Variants in NTF3 observed in about 807,000 individuals in gnomAD.
NTF3 encodes the protein neurotrophin 3, also known as neurotrophin-3.
Under a neutral mutation model 26.3 loss-of-function variants are expected in NTF3, and 8 were observed. The ratio of observed to expected loss-of-function variants is 0.30; its 90% CI spans 0.18 to 0.55. NTF3 has a LOEUF of 0.55. Among genes scored for constraint, NTF3 ranks in the 20% least tolerant of loss-of-function variants. The pLI, the probability that NTF3 is intolerant of heterozygous loss-of-function variation, is 0.93. For synonymous variants in NTF3, 154 were observed against 145.5 expected (o/e 1.06, Z -0.42); for missense variants, 276 against 352.9 (o/e 0.78, Z 1.75).
intron 1 of NTF3, among the ~76,000 whole-genome samples, chr12:5,475,935 A>G (rs1940718867): frequency 6.7e-6 from 1 of 148,854 alleles, no homozygotes; most frequent in African/African-American, 2.6e-5. Flanking sequence ...AGAGAAAAAG[A>G]AAGAGAAAAG....
intron 1 of NTF3, among the ~76,000 whole-genome samples, chr12:5,434,514 G>C (rs966277170): frequency 1.5e-4 from 20 of 135,868 alleles, no homozygotes; most frequent in African/African-American, 6.1e-4. Context: ...TGTAGGGGAA[G>C]GTGGCAAAAG....
rs1441768777 is a variant in NTF3, at chr12:5,460,373, T to C, written c.18+28031T>C. Reference sequence around the variant, plus strand: ...TCCTCCCTCCTCTGCCACCAATCCCTGGCAGCCACCAGTCTTTTGACTGCC... The same window carrying C: ...TCCTCCCTCCTCTGCCACCAATCCCCGGCAGCCACCAGTCTTTTGACTGCC... On this transcript the variant is annotated intron_variant, in intron 1 of 1. Coordinates refer to ENST00000423158, the MANE Select transcript of NTF3 (RefSeq NM_001102654.2). 2.0e-5 allele frequency among the ~76,000 whole-genome samples: 3 copies of C among 152,222 alleles called. No individual in the cohort carries two copies. The East Asian group carries it at 5.8e-4, about 29-fold the overall frequency.
chr12:5,468,613 A>G (rs1207766994), intron 1 of NTF3, among the ~76,000 whole-genome samples: 2 of 152,218 alleles, frequency 1.3e-5, no homozygotes, highest in Non-Finnish European at 2.9e-5. Context: ...TAAAGACAAT[A>G]TGGATGTAAA....
At chr12:5,474,431 C>T (rs1940699174) in intron 1 of NTF3, among the ~76,000 whole-genome samples, 1 of 152,152 alleles carries the variant, frequency 6.6e-6, no homozygotes. Flanking sequence ...AGGGAGTTGT[C>T]AGGGGAGCCC....
intron 1 of NTF3, among the ~76,000 whole-genome samples, chr12:5,454,138 G>T (rs914511769): frequency 3.3e-5 from 5 of 152,206 alleles, no homozygotes; most frequent in Non-Finnish European, 5.9e-5. Context: ...CAAGATCAAG[G>T]TTGCGGTCAG....
At position 5,494,543 on chromosome 12, in the gene NTF3, C is replaced by T. The variant is rs747648988; in HGVS notation, c.368C>T (p.Thr123Ile). The stretch of plus-strand genomic sequence containing the variant: ...CCGCGGGTCCTGCTGAGCGACAGCA[C>T]CCCCTTGGAGCCCCCGCCCTTGTAT... ...NSPRVLLSDS[T>I]PLEPPPLYLM... The change falls in exon 2 of 2, where the codon ACC becomes ATC. Residue 123 changes from threonine to isoleucine, a missense_variant. Thr to Ile is a moderately conservative substitution (Grantham distance 89). Coordinates refer to ENST00000423158, the MANE Select transcript of NTF3 (RefSeq NM_001102654.2). The surrounding 1 kb of genome is among the most constrained non-coding windows in gnomAD (Gnocchi z 8.3). 3 of 1,614,086 alleles carry T rather than the reference C, an allele frequency of 1.9e-6. No homozygotes were observed. Among genetic ancestry groups the T allele is most frequent in the South Asian group, 1.1e-5 (1 of 91,066 alleles).
At chr12:5,489,286 G>A (rs1424524525) in intron 1 of NTF3, among the ~76,000 whole-genome samples, 1 of 152,362 alleles carries the variant, frequency 6.6e-6, no homozygotes, top group East Asian at 1.9e-4. Flanking sequence ...GCTTCTTGGG[G>A]AAGGACACAG....
At chr12:5,477,214 A>G (rs1237690361) in intron 1 of NTF3, among the ~76,000 whole-genome samples, 1 of 152,210 alleles carries the variant, frequency 6.6e-6, no homozygotes, top group Non-Finnish European at 1.5e-5. Context: ...GATATCAGAC[A>G]TGCCTGGGTT....
intron 1 of NTF3, among the ~76,000 whole-genome samples, chr12:5,470,637 G>A (rs924706084): frequency 1.3e-5 from 2 of 152,152 alleles, no homozygotes; most frequent in African/African-American, 4.8e-5. Context: ...TCCTGTCCCT[G>A]GGTGAGCGTG....
chr12:5,474,359 G>A (rs899318185), intron 1 of NTF3, among the ~76,000 whole-genome samples: 1 of 152,250 alleles, frequency 6.6e-6, no homozygotes, highest in Non-Finnish European at 1.5e-5. Flanking sequence ...TGTATGAGCA[G>A]GCTCAGACAG....
chr12:5,481,059 C>T (rs549751673), intron 1 of NTF3, among the ~76,000 whole-genome samples: 3 of 152,042 alleles, frequency 2.0e-5, no homozygotes, highest in African/African-American at 7.2e-5. Context: ...AGGGAGGACC[C>T]GCAGAGCTGG....
intron 1 of NTF3, among the ~76,000 whole-genome samples, chr12:5,479,085 T>C (rs1940757386): frequency 6.6e-6 from 1 of 152,238 alleles, no homozygotes; most frequent in African/African-American, 2.4e-5. Flanking sequence ...ATTGTTGTCA[T>C]TTTCTTAATA....
chr12:5,484,925 G>T (rs1245194254), intron 1 of NTF3, among the ~76,000 whole-genome samples: 2 of 152,204 alleles, frequency 1.3e-5, no homozygotes, highest in Admixed American at 6.5e-5. Context: ...CAAAACAGGG[G>T]ATGTGCCAAG....
At chr12:5,449,436 C>T (rs898236641) in intron 1 of NTF3, among the ~76,000 whole-genome samples, 1 of 152,204 alleles carries the variant, frequency 6.6e-6, no homozygotes, top group Non-Finnish European at 1.5e-5. Context: ...CACTGTGCTT[C>T]ATCTCTTGGG....
At chr12:5,466,264 A>T (rs1940587773) in intron 1 of NTF3, among the ~76,000 whole-genome samples, 1 of 152,174 alleles carries the variant, frequency 6.6e-6, no homozygotes, top group Non-Finnish European at 1.5e-5. Flanking sequence ...GGCTAACCCA[A>T]GTCTGTCCGC....
Position 5,433,676 on chromosome 12 carries a change from T to A in NTF3, c.18+1334T>A, listed in dbSNP as rs930871374. Among the ~76,000 whole-genome samples the A allele has an allele frequency of 1.3e-5, 2 of 152,006 alleles. No homozygotes were observed. The highest frequency in any genetic ancestry group is 2.9e-5 in the Non-Finnish European group (2 of 68,002). On this transcript the variant is annotated intron_variant, in intron 1 of 1. Coordinates refer to ENST00000423158, the MANE Select transcript of NTF3 (RefSeq NM_001102654.2). This position sits in a 1 kb window ranked among gnomAD's most constrained non-coding sequence, Gnocchi z 4.6. ...TGCTGGAATCGAGGCTGGGGTGGGA[T>A]TGCCGGTGGGGGAAACACCGAAAAG...
intron 1 of NTF3, among the ~76,000 whole-genome samples, chr12:5,462,483 G>A (rs1940537017): frequency 2.0e-5 from 3 of 152,176 alleles, no homozygotes; most frequent in African/African-American, 7.2e-5. Flanking sequence ...TATATAACAT[G>A]TAAGATAATT....
rs570559749 is a variant in NTF3, at chr12:5,432,315, C to A, written c.-10C>A. On this transcript the variant is annotated 5_prime_UTR_variant, in exon 1 of 2. Coordinates refer to ENST00000423158, the MANE Select transcript of NTF3 (RefSeq NM_001102654.2). ...ATGTCGACGTCCCTGGAAACGGCCA[C>A]ACGGATGCCATGGTTACTTTTGCCA... is the stretch of plus-strand genomic sequence containing the variant. The A allele has an allele frequency of 9.9e-6, 16 of 1,613,242 alleles. No individual in the cohort carries two copies. The highest frequency in any genetic ancestry group is 2.7e-5 in the African/African-American group (2 of 74,788).
intron 1 of NTF3, among the ~76,000 whole-genome samples, chr12:5,489,034 G>A (rs531789436): frequency 2.1e-4 from 32 of 152,290 alleles, no homozygotes; most frequent in South Asian, 6.2e-4. Context: ...GATTTCCAGC[G>A]CTGGTCTCAA....
Sources: gnomAD v4.1 joint callset for allele counts (sites outside exome capture counted in the v4.1 genomes callset) on GRCh38, gnomAD v4.1.1 for gene constraint, Gnocchi (gnomAD v3.1) non-coding constraint, MANE v1.5 for transcripts, NCBI Gene and HGNC (gene_info 2026-07-23, HGNC 2026-07-21) for gene names.